The following GPM6A variants were observed in gnomAD, a reference collection of about 807,000 sequenced individuals.
The protein encoded by GPM6A is neuronal membrane glycoprotein M6-a.
GPM6A carries 7 observed loss-of-function variants against 32.1 expected under a neutral mutation model. The ratio of observed to expected loss-of-function variants is 0.22; its 90% CI spans 0.12 to 0.41. GPM6A has a LOEUF of 0.41. GPM6A is among the 10% of genes least tolerant of loss of function. GPM6A has a pLI of 1.00. For missense variants in GPM6A, 235 were observed against 347.2 expected (o/e 0.68, Z 2.57); for synonymous variants, 130 against 123.4 (o/e 1.05, Z -0.35).
chr4:175,945,968 A>G (rs1413965316), intron 1 of GPM6A, among the ~76,000 whole-genome samples: 2 of 152,086 alleles, frequency 1.3e-5, no homozygotes, highest in Non-Finnish European at 2.9e-5. Context: ...GTTCCCACAT[A>G]TAAGTAATGG....
intron 1 of GPM6A, among the ~76,000 whole-genome samples, chr4:175,750,072 T>C (rs1472996877): frequency 6.6e-6 from 1 of 152,166 alleles, no homozygotes; most frequent in Non-Finnish European, 1.5e-5. Flanking sequence ...ATTGCTTTTT[T>C]TTTTGAGATG....
intron 1 of GPM6A, among the ~76,000 whole-genome samples, chr4:175,823,138 C>T (rs1006404647): frequency 1.2e-4 from 18 of 152,124 alleles, no homozygotes; most frequent in South Asian, 2.1e-4. Flanking sequence ...CTCAAGGCTA[C>T]GCAGCTGGTG....
chr4:175,965,058 T>G (rs1043489716), intron 1 of GPM6A, among the ~76,000 whole-genome samples: 1 of 152,162 alleles, frequency 6.6e-6, no homozygotes, highest in Non-Finnish European at 1.5e-5. Flanking sequence ...AACAGCACAA[T>G]CAATTGAATC....
intron 1 of GPM6A, among the ~76,000 whole-genome samples, chr4:175,729,161 G>A (rs1731307435): frequency 6.6e-6 from 1 of 152,138 alleles, no homozygotes; most frequent in African/African-American, 2.4e-5. Flanking sequence ...CTCTGTACCA[G>A]AACAGTTTCT....
At chr4:175,846,714 A>G (rs1736098114) in intron 1 of GPM6A, among the ~76,000 whole-genome samples, 1 of 152,170 alleles carries the variant, frequency 6.6e-6, no homozygotes, top group Non-Finnish European at 1.5e-5. Context: ...GCCAATTTTC[A>G]TAAATGTGCA....
At chr4:175,862,542 C>T (rs1736605287) in intron 1 of GPM6A, among the ~76,000 whole-genome samples, 1 of 152,140 alleles carries the variant, frequency 6.6e-6, no homozygotes, top group Admixed American at 6.6e-5. Flanking sequence ...TTGCTGTGAA[C>T]ATCTATATAC....
At chr4:175,939,752 A>C (rs1739346805) in intron 1 of GPM6A, among the ~76,000 whole-genome samples, 1 of 152,192 alleles carries the variant, frequency 6.6e-6, no homozygotes, top group Non-Finnish European at 1.5e-5. Context: ...TAGAACTAGG[A>C]TATGATGACT....
At chr4:175,690,911 T>G (rs1370124981) in intron 2 of GPM6A, among the ~76,000 whole-genome samples, 2 of 152,214 alleles carry the variant, frequency 1.3e-5, no homozygotes, top group Non-Finnish European at 2.9e-5. Context: ...CTTCAAATAT[T>G]CTTAGGTAAA....
chr4:175,688,267 C>T (rs373126023), intron 2 of GPM6A, among the ~76,000 whole-genome samples: 21 of 152,260 alleles, frequency 1.4e-4, no homozygotes, highest in African/African-American at 5.1e-4. Flanking sequence ...TCCAAGAAAT[C>T]ATCACCAAGA....
intron 1 of GPM6A, among the ~76,000 whole-genome samples, chr4:175,836,317 A>G (rs1735767356): frequency 6.6e-6 from 1 of 151,722 alleles, no homozygotes; most frequent in Non-Finnish European, 1.5e-5. Flanking sequence ...AGATTCTTTC[A>G]CTCAACTAAT....
At chr4:175,749,032 A>G (rs1321062452) in intron 1 of GPM6A, among the ~76,000 whole-genome samples, 1 of 152,130 alleles carries the variant, frequency 6.6e-6, no homozygotes, top group Non-Finnish European at 1.5e-5. Context: ...ATCAGCCTTC[A>G]CAGAATTAAA....
chr4:175,651,717 C>G, intron 4 of GPM6A, 117 bp downstream of exon 4: 1 of 752,914 alleles, frequency 1.3e-6, no homozygotes, highest in Non-Finnish European at 2.2e-6. Flanking sequence ...AAATTTATCT[C>G]TGTGGTAGAA....
chr4:175,861,418 A>G (rs17062177), intron 1 of GPM6A, among the ~76,000 whole-genome samples: 48,016 of 151,292 alleles, frequency 0.32, 7,630 homozygotes, highest in East Asian at 0.36. Flanking sequence ...AACAAGTTCA[A>G]TAATTTTAAT....
At chr4:175,957,891 T>G (rs1330240643) in intron 1 of GPM6A, among the ~76,000 whole-genome samples, 1 of 152,232 alleles carries the variant, frequency 6.6e-6, no homozygotes, top group Non-Finnish European at 1.5e-5. Flanking sequence ...TCTGTTTTGT[T>G]GTTTGTTTTT....
chr4:175,990,023 C>T (rs1741089143), intron 1 of GPM6A, among the ~76,000 whole-genome samples: 1 of 152,158 alleles, frequency 6.6e-6, no homozygotes, highest in Non-Finnish European at 1.5e-5. Context: ...AGATCATCCT[C>T]CTACTTAATA....
At chr4:175,851,401 T>C (rs1038809212) in intron 1 of GPM6A, among the ~76,000 whole-genome samples, 1 of 151,640 alleles carries the variant, frequency 6.6e-6, no homozygotes, top group African/African-American at 2.4e-5. Context: ...AGGAGAATCA[T>C]TTGAACTCAG....
chr4:175,903,273 T>C (rs1003499294), intron 1 of GPM6A, among the ~76,000 whole-genome samples: 11 of 89,644 alleles, frequency 1.2e-4, no homozygotes, highest in Non-Finnish European at 1.0e-4. Flanking sequence ...CTCTAATAGA[T>C]TGTAATTCAT....
intron 1 of GPM6A, among the ~76,000 whole-genome samples, chr4:175,718,225 A>G (rs758421949): frequency 7.9e-5 from 12 of 152,206 alleles, no homozygotes; most frequent in Non-Finnish European, 1.5e-4. Context: ...ACAAGAATTA[A>G]CTAATCAAAA....
At chr4:175,738,556 G>C (rs968328894) in intron 1 of GPM6A, among the ~76,000 whole-genome samples, 1 of 152,058 alleles carries the variant, frequency 6.6e-6, no homozygotes, top group African/African-American at 2.4e-5. Context: ...CTCTGGGTGA[G>C]TTAGGTAGGG....
Sources: allele counts gnomAD v4.1 joint callset (sites outside exome capture counted in the v4.1 genomes callset), GRCh38; gene constraint gnomAD v4.1.1; transcripts MANE v1.5; gene names NCBI Gene and HGNC (gene_info 2026-07-23, HGNC 2026-07-21).